The following OXTR variants were observed in gnomAD, a reference collection of about 807,000 sequenced individuals.
OXTR encodes oxytocin receptor.
A neutral mutation model predicts 23.9 loss-of-function variants in OXTR; 19 were observed. That is an observed-to-expected ratio of 0.80 (90% CI 0.56 to 1.17). The LOEUF (loss-of-function observed/expected upper bound fraction) is 1.17. Among genes scored for constraint, OXTR ranks in the 50% most tolerant of loss-of-function variants. The pLI is 0.00. For missense variants in OXTR, 500 were observed against 550.7 expected (o/e 0.91, Z 0.92); for synonymous variants, 278 against 250.5 (o/e 1.11, Z -1.04).
At chr3:8,749,803 A>G (rs569684335), downstream of OXTR, among the ~76,000 whole-genome samples, 11 of 152,294 alleles carry the variant, frequency 7.2e-5, no homozygotes, top group South Asian at 1.9e-3. Context: ...GAACCTCTAG[A>G]CAATGCTAGC....
At chr3:8,755,685 T>TC (rs1708356979) in intron 3 of OXTR, among the ~76,000 whole-genome samples, 1 of 152,174 alleles carries the variant, frequency 6.6e-6, no homozygotes, top group Non-Finnish European at 1.5e-5. Context: ...AAGGGCCCTC[T>TC]CTAAGCTGAA....
chr3:8,744,127 T>C, the OXTR span, among the ~76,000 whole-genome samples: 1 of 152,100 alleles, frequency 6.6e-6, no homozygotes, highest in Non-Finnish European at 1.5e-5. Context: ...CCAGGAGCAC[T>C]GCTAGAAAGA....
At chr3:8,761,247 G>C (rs549969986) in intron 3 of OXTR, among the ~76,000 whole-genome samples, 1 of 152,356 alleles carries the variant, frequency 6.6e-6, no homozygotes, top group South Asian at 2.1e-4. Context: ...TATAGAACTG[G>C]TGGACACAGG....
At chr3:8,762,871 G>A (rs1358177252) in intron 3 of OXTR, among the ~76,000 whole-genome samples, 1 of 152,194 alleles carries the variant, frequency 6.6e-6, no homozygotes, top group Non-Finnish European at 1.5e-5. Flanking sequence ...TCAGACAGCT[G>A]CTTAGAAAGT....
Position 8,752,673 on chromosome 3 carries a change from T to C in OXTR, c.*304A>G. Reference sequence around the variant, plus strand: ...TTCACAATATCCCAGAATGAAGAAGTAAAAATATACTGGAGTGAAATTACA... The same window carrying C: ...TTCACAATATCCCAGAATGAAGAAGCAAAAATATACTGGAGTGAAATTACA... On this transcript the variant is annotated 3_prime_UTR_variant, in exon 4 of 4. Coordinates refer to ENST00000316793, the MANE Select transcript of OXTR (RefSeq NM_000916.4). 6.1e-6 allele frequency: 2 copies of C among 327,968 alleles called. No homozygotes were observed. The highest frequency in any genetic ancestry group is 5.8e-5 in the South Asian group (1 of 17,288). 20.3% of individuals were successfully genotyped at this position (327,968 alleles called of 1,614,324 possible).
At chr3:8,742,141 C>A in the OXTR span, among the ~76,000 whole-genome samples, 11 of 152,216 alleles carry the variant, frequency 7.2e-5, no homozygotes, top group Non-Finnish European at 1.3e-4. Context: ...CTGAGCCGGG[C>A]CTTATAAATA....
chr3:8,748,152 C>G (rs576626048), downstream of OXTR, among the ~76,000 whole-genome samples: 115 of 152,252 alleles, frequency 7.6e-4, no homozygotes, highest in Middle Eastern at 3.4e-3. Context: ...ATGCAGGTTC[C>G]AAGGCTCTAG....
downstream of OXTR, chr3:8,746,072 C>T: frequency 1.8e-6 from 1 of 563,538 alleles, no homozygotes; most frequent in Non-Finnish European, 3.2e-6. Flanking sequence ...TCCCCCAGCC[C>T]CACCATGATG....
At chr3:8,758,087 C>T (rs9810278) in intron 3 of OXTR, among the ~76,000 whole-genome samples, 4,186 of 152,178 alleles carry the variant, frequency 0.028, 204 homozygotes, top group African/African-American at 0.096. Flanking sequence ...ACACCAAACG[C>T]CAACATCCCC....
chr3:8,766,473 C>T (rs1242056428), intron 3 of OXTR, among the ~76,000 whole-genome samples: 3 of 152,166 alleles, frequency 2.0e-5, no homozygotes, highest in Non-Finnish European at 2.9e-5. Flanking sequence ...AGGCACATTC[C>T]CCACCTACAG....
chr3:8,767,736 C>A lies in OXTR; in HGVS notation c.452G>T (p.Arg151Leu). 1 of 1,609,530 alleles carries A rather than the reference C, an allele frequency of 6.2e-7. No individual in the cohort carries two copies. Among genetic ancestry groups the A allele is most frequent in the Non-Finnish European group, 8.5e-7 (1 of 1,178,088 alleles). The change falls in exon 3 of 4, where the codon CGC becomes CTC. Residue 151 changes from arginine to leucine, a missense_variant. By Grantham distance (102) the Arg-to-Leu change is moderately radical (BLOSUM62 -2). Coordinates refer to ENST00000316793, the MANE Select transcript of OXTR (RefSeq NM_000916.4). ...ICQPLRSLRR[R>L]TDRLAVLATW... Reference sequence around the variant, plus strand: ...GGCGAGCACTGCCAGGCGGTCGGTGCGGCGGCGCAGCGAGCGCAGCGGCTG... The same window carrying A: ...GGCGAGCACTGCCAGGCGGTCGGTGAGGCGGCGCAGCGAGCGCAGCGGCTG...
chr3:8,749,943 T>A (rs574924996), downstream of OXTR, among the ~76,000 whole-genome samples: 1 of 152,258 alleles, frequency 6.6e-6, no homozygotes, highest in South Asian at 2.1e-4. Context: ...TGTATCTCAG[T>A]AAGTACAAAA....
intron 3 of OXTR, among the ~76,000 whole-genome samples, chr3:8,757,874 G>A (rs140166440): frequency 6.6e-6 from 1 of 152,294 alleles, no homozygotes; most frequent in East Asian, 1.9e-4. Context: ...CTGAGTAGGT[G>A]CGAGGATCTA....
downstream of OXTR, chr3:8,746,103 G>C (rs2124989114): frequency 5.9e-6 from 3 of 506,122 alleles, no homozygotes; most frequent in East Asian, 6.2e-5. Context: ...TGGGCGTGGG[G>C]GAAGATCATT....
At chr3:8,762,242 A>G (rs1375750036) in intron 3 of OXTR, among the ~76,000 whole-genome samples, 1 of 152,152 alleles carries the variant, frequency 6.6e-6, no homozygotes, top group Admixed American at 6.5e-5. Context: ...ACAGACAGCC[A>G]TCAAATGGAA....
At chr3:8,756,426 C>CTGAT (rs1345165616) in intron 3 of OXTR, among the ~76,000 whole-genome samples, 1 of 152,180 alleles carries the variant, frequency 6.6e-6, no homozygotes, top group Admixed American at 6.5e-5. Flanking sequence ...GTAATGAAGA[C>CTGAT]TGATTCCTTT....
rs1172649738 is a variant in OXTR, at chr3:8,752,143, TTTGTTGC to T, written c.*827_*833del. The T allele has an allele frequency of 1.3e-5, 2 of 152,216 alleles. No individual in the cohort carries two copies. Among genetic ancestry groups the T allele is most frequent in the Admixed American group, 6.5e-5 (1 of 15,276 alleles). 9.4% of individuals were successfully genotyped at this position (152,216 alleles called of 1,614,324 possible). A position where few individuals can be genotyped will look rare whatever the true frequency, so the allele number is the denominator to read the frequency against. The stretch of plus-strand genomic sequence containing the variant: ...ATTATTTAACTTCGTTTTCATATTG[TTTGTTGC>T]TAGTATAAAGAAATACAATTCATTT... On this transcript the variant is annotated 3_prime_UTR_variant, in exon 4 of 4. Coordinates refer to ENST00000316793, the MANE Select transcript of OXTR (RefSeq NM_000916.4).
rs202023509 is a variant in OXTR at position 8,767,985 on chromosome 3, C to T, written c.203G>A (p.Arg68His). The T allele has an allele frequency of 1.6e-5, 26 of 1,611,550 alleles. No homozygotes were observed. The East Asian group carries it at 3.6e-4, about 22-fold the overall frequency. Residue 68 changes from arginine to histidine, a missense_variant, in exon 3 of 4, where the codon CGC becomes CAC. Arg to His is a conservative substitution (Grantham distance 29). Coordinates refer to ENST00000316793, the MANE Select transcript of OXTR (RefSeq NM_000916.4). ...GAAGAAGAGGCGCGAGTGCTTCTGG[C>T]GTGTGGTGCGCAGCGCCAGCAGCAC... ...ACVLLALRTT[R>H]QKHSRLFFFM...
At chr3:8,744,445 A>ATTTTTTTTTTTTTT in the OXTR span, among the ~76,000 whole-genome samples, 16 of 111,408 alleles carry the variant, frequency 1.4e-4, no homozygotes, top group Non-Finnish European at 2.1e-4. Context: ...TACCCGGCTA[A>ATTTTTTTTTTTTTT]TTTTTTTTTT....
Sources: allele counts gnomAD v4.1 joint callset (sites outside exome capture counted in the v4.1 genomes callset), GRCh38; gene constraint gnomAD v4.1.1; transcripts MANE v1.5; gene names NCBI Gene and HGNC (gene_info 2026-07-23, HGNC 2026-07-21).